The following LYRM4 variants were observed in gnomAD, a reference collection of about 807,000 sequenced individuals.
LYRM4 encodes LYR motif-containing protein 4.
In LYRM4, 9 loss-of-function variants were observed where a neutral mutation model predicts 11.7. The observed-to-expected ratio is 0.77, with a 90% CI of 0.46 to 1.34. The LOEUF is 1.34. Ranked by LOEUF, LYRM4 falls within the 40% of genes most tolerant of loss-of-function variation. The pLI is 0.00. For missense variants in LYRM4, 133 were observed against 112.5 expected (o/e 1.18, Z -0.82); for synonymous variants, 42 against 40.4 (o/e 1.04, Z -0.15).
chr6:5,089,510 T>C, the LYRM4 span: 5 of 152,226 alleles, frequency 3.3e-5, no homozygotes, highest in Non-Finnish European at 7.3e-5. Context: ...TAGTATCCTT[T>C]AAAATGGTAA....
At chr6:5,201,929 C>T (rs1234025341) in intron 2 of LYRM4, among the ~76,000 whole-genome samples, 1 of 152,212 alleles carries the variant, frequency 6.6e-6, no homozygotes, top group East Asian at 1.9e-4. Flanking sequence ...CTTAACCTCT[C>T]TGAGCTCATT....
the LYRM4 span, among the ~76,000 whole-genome samples, chr6:5,040,719 A>C: frequency 6.6e-6 from 1 of 152,220 alleles, no homozygotes; most frequent in Non-Finnish European, 1.5e-5. Flanking sequence ...TGATTTGATT[A>C]TTATACATTA....
At chr6:5,058,379 C>G in the LYRM4 span, among the ~76,000 whole-genome samples, 1 of 152,206 alleles carries the variant, frequency 6.6e-6, no homozygotes, top group East Asian at 1.9e-4. Context: ...TTCTCATGTC[C>G]GTGGGAACAG....
At chr6:5,119,809 A>C (rs1016006136) in intron 2 of LYRM4, among the ~76,000 whole-genome samples, 35 of 151,364 alleles carry the variant, frequency 2.3e-4, no homozygotes, top group Admixed American at 1.2e-3. Context: ...AAAAAAAAAA[A>C]AAAAAAAAAA....
intron 1 of LYRM4, among the ~76,000 whole-genome samples, chr6:5,236,918 C>T (rs576089869): frequency 6.6e-6 from 1 of 152,282 alleles, no homozygotes; most frequent in South Asian, 2.1e-4. Context: ...GATTATGCCA[C>T]TGCATTCCAG....
At chr6:5,256,231 T>C (rs1468013090) in intron 1 of LYRM4, among the ~76,000 whole-genome samples, 1 of 152,058 alleles carries the variant, frequency 6.6e-6, no homozygotes, top group East Asian at 1.9e-4. Flanking sequence ...GGCTCATGCC[T>C]GTAATCCCAG....
intron 2 of LYRM4, among the ~76,000 whole-genome samples, chr6:5,138,481 T>C (rs1026676075): frequency 1.4e-5 from 1 of 70,224 alleles, no homozygotes; most frequent in African/African-American, 6.4e-5. Flanking sequence ...AGTGAGACCC[T>C]GTCTCCAAAA....
chr6:5,091,986 CCA>C, the LYRM4 span, among the ~76,000 whole-genome samples: 2 of 152,314 alleles, frequency 1.3e-5, no homozygotes, highest in East Asian at 3.9e-4. Context: ...AGGTCATTTC[CCA>C]CAGAGTCGAC....
At chr6:5,252,113 C>T (rs140951320) in intron 1 of LYRM4, among the ~76,000 whole-genome samples, 2 of 152,302 alleles carry the variant, frequency 1.3e-5, no homozygotes, top group African/African-American at 4.8e-5. Context: ...AATTTTACCA[C>T]TCATGAAACT....
At chr6:5,245,106 AAAAAAAAATATATATATATATATATATAT>A (rs1197876790) in intron 1 of LYRM4, among the ~76,000 whole-genome samples, 19 of 52,390 alleles carry the variant, frequency 3.6e-4, no homozygotes, top group African/African-American at 1.1e-3. Flanking sequence ...AAAAAAAAAA[AAAAAAAAATATATATATATATATATATAT>A]ATATATATAT....
At chr6:5,216,538 A>C (rs1418472107) in intron 2 of LYRM4, 80 bp downstream of exon 2, 3 of 1,547,632 alleles carry the variant, frequency 1.9e-6, no homozygotes, top group African/African-American at 2.7e-5. Flanking sequence ...CAACACCAAA[A>C]GCACGGCTGT....
chr6:5,175,619 TCACA>T (rs1759670620), intron 2 of LYRM4, among the ~76,000 whole-genome samples: 1 of 152,104 alleles, frequency 6.6e-6, no homozygotes, highest in Non-Finnish European at 1.5e-5. Flanking sequence ...TAAAACAGGG[TCACA>T]CATTTTGTGA....
At chr6:5,119,602 T>C (rs982710488) in intron 2 of LYRM4, among the ~76,000 whole-genome samples, 4 of 151,740 alleles carry the variant, frequency 2.6e-5, no homozygotes, top group Admixed American at 6.6e-5. Context: ...GCCTGACCAA[T>C]GTGACAAGAC....
At chr6:5,124,118 A>T (rs7757651) in intron 2 of LYRM4, among the ~76,000 whole-genome samples, 1 of 152,004 alleles carries the variant, frequency 6.6e-6, no homozygotes. Flanking sequence ...GGGCTGTCTT[A>T]GGGCCTGGGG....
the LYRM4 span, among the ~76,000 whole-genome samples, chr6:5,059,624 G>A: frequency 6.6e-6 from 1 of 152,136 alleles, no homozygotes; most frequent in South Asian, 2.1e-4. Context: ...CCAGGCCATT[G>A]TATGCTCTTC....
At chr6:5,089,929 T>A in the LYRM4 span, among the ~76,000 whole-genome samples, 1 of 152,118 alleles carries the variant, frequency 6.6e-6, no homozygotes, top group East Asian at 1.9e-4. Context: ...AAAATAGGTT[T>A]TCTTTGTTTT....
intron 1 of LYRM4, among the ~76,000 whole-genome samples, chr6:5,234,702 G>A (rs1188064655): frequency 6.6e-6 from 1 of 152,018 alleles, no homozygotes; most frequent in Non-Finnish European, 1.5e-5. Context: ...TATCGAAGAA[G>A]GAATACAAAG....
chr6:5,150,543 G>A (rs1363785840), intron 2 of LYRM4, among the ~76,000 whole-genome samples: 2 of 152,192 alleles, frequency 1.3e-5, no homozygotes, highest in Admixed American at 1.3e-4. Flanking sequence ...ACAGTGCCTA[G>A]TACACAGTAG....
the LYRM4 span, among the ~76,000 whole-genome samples, chr6:5,089,719 T>C: frequency 1.3e-5 from 2 of 152,224 alleles, no homozygotes; most frequent in Non-Finnish European, 2.9e-5. Context: ...TTTGCTCTCC[T>C]CCCAGTCTCA....
Sources: gnomAD v4.1 joint callset for allele counts (sites outside exome capture counted in the v4.1 genomes callset) on GRCh38, gnomAD v4.1.1 for gene constraint, MANE v1.5 for transcripts, NCBI Gene and HGNC (gene_info 2026-07-23, HGNC 2026-07-21) for gene names.